The following LDHC variants were observed in gnomAD, a reference collection of about 807,000 sequenced individuals.
LDHC encodes lactate dehydrogenase C, also known as L-lactate dehydrogenase C chain.
Under a neutral mutation model 30.2 loss-of-function variants are expected in LDHC, and 20 were observed. The ratio of observed to expected loss-of-function variants is 0.66; its 90% CI spans 0.47 to 0.96. LDHC has a LOEUF of 0.96. LDHC is among the 40% of genes least tolerant of loss of function. LDHC has a pLI of 0.00. For synonymous variants in LDHC, 139 were observed against 132.7 expected, an observed-to-expected ratio of 1.05 and a Z score of -0.32; for missense variants, 362 against 394.9, an observed-to-expected ratio of 0.92 and a Z score of 0.71.
chr11:18,423,631 G>A (rs1276426637), intron 3 of LDHC, among the ~76,000 whole-genome samples: 2 of 152,026 alleles, frequency 1.3e-5, no homozygotes, highest in East Asian at 1.9e-4. Flanking sequence ...AGAAGATAAC[G>A]TAGAATATCC....
chr11:18,437,284 G>A (rs1036205571), intron 5 of LDHC, among the ~76,000 whole-genome samples: 5 of 152,110 alleles, frequency 3.3e-5, no homozygotes, highest in African/African-American at 1.2e-4. Flanking sequence ...TTAAAAATAT[G>A]TATGTTGCTT....
chr11:18,426,209 G>A (rs1315477021), intron 3 of LDHC, among the ~76,000 whole-genome samples: 1 of 151,778 alleles, frequency 6.6e-6, no homozygotes, highest in African/African-American at 2.4e-5. Flanking sequence ...AGTGAGTCCA[G>A]GTGCATGGAA....
intron 5 of LDHC, among the ~76,000 whole-genome samples, chr11:18,435,177 A>C (rs1293663441): frequency 6.6e-6 from 1 of 151,940 alleles, no homozygotes; most frequent in Admixed American, 6.6e-5. Context: ...TTTTTTATTT[A>C]TTGTGATTTT....
At chr11:18,418,103 G>C (rs1023973033) in intron 3 of LDHC, among the ~76,000 whole-genome samples, 4 of 151,766 alleles carry the variant, frequency 2.6e-5, no homozygotes, top group Middle Eastern at 3.4e-3. Flanking sequence ...CAAGTCAGTT[G>C]ATACATTCTG....
At chr11:18,432,490 G>T (rs1848284328) in intron 4 of LDHC, among the ~76,000 whole-genome samples, 1 of 152,146 alleles carries the variant, frequency 6.6e-6, no homozygotes, top group South Asian at 2.1e-4. Context: ...TTGTTCCAAG[G>T]TATAGTTTAA....
chr11:18,416,917 T>TCTGTTGC (rs1867032936), intron 3 of LDHC, among the ~76,000 whole-genome samples: 2 of 152,206 alleles, frequency 1.3e-5, no homozygotes, highest in African/African-American at 4.8e-5. Flanking sequence ...AGAGTCTTGA[T>TCTGTTGC]CTGTTGCCCA....
chr11:18,440,911 C>A (rs1358657551), intron 6 of LDHC, among the ~76,000 whole-genome samples: 1 of 150,944 alleles, frequency 6.6e-6, no homozygotes, highest in Admixed American at 6.6e-5. Context: ...TGCACACTAG[C>A]CTGGACAGCA....
rs146972664 is a variant in LDHC, at chr11:18,430,257, A to G, written c.418+347A>G. Among the ~76,000 whole-genome samples, 371 of 152,262 alleles carry G rather than the reference A, an allele frequency of 2.4e-3. 5 individuals are homozygous for G. Among genetic ancestry groups the G allele is most frequent in the African/African-American group, 8.2e-3 (340 of 41,540 alleles). On this transcript the variant is annotated intron_variant, in intron 4 of 7. Coordinates refer to ENST00000541669, the MANE Select transcript of LDHC (RefSeq NM_017448.5). ...AGCATAATTATTTTGGGATTCATCC[A>G]TATTAGTGAGTGTATCATATTGTTC...
intron 4 of LDHC, among the ~76,000 whole-genome samples, chr11:18,433,902 T>A (rs553638831): frequency 1.6e-4 from 25 of 152,356 alleles, no homozygotes; most frequent in African/African-American, 6.0e-4. Context: ...ATATGTTTTC[T>A]AAGCTTTTAG....
intron 4 of LDHC, among the ~76,000 whole-genome samples, chr11:18,432,766 A>G (rs1004885069): frequency 6.6e-6 from 1 of 152,142 alleles, no homozygotes; most frequent in Non-Finnish European, 1.5e-5. Flanking sequence ...GTTTCGTCTG[A>G]TATGAGAGTA....
chr11:18,444,436 T>A (rs1299959454), intron 6 of LDHC, among the ~76,000 whole-genome samples: 1 of 151,400 alleles, frequency 6.6e-6, no homozygotes, highest in African/African-American at 2.4e-5. Context: ...TTCCCTTTCC[T>A]TTTACTTACC....
At chr11:18,426,983 A>G (rs1044084178) in intron 3 of LDHC, among the ~76,000 whole-genome samples, 4 of 152,202 alleles carry the variant, frequency 2.6e-5, no homozygotes, top group African/African-American at 9.6e-5. Context: ...GCTAACATTT[A>G]TTGAACATTT....
intron 7 of LDHC, among the ~76,000 whole-genome samples, chr11:18,449,129 C>T (rs1203367116): frequency 6.6e-6 from 1 of 152,012 alleles, no homozygotes; most frequent in East Asian, 1.9e-4. Context: ...TCTTCCCCTG[C>T]CACCATCAGA....
intron 3 of LDHC, among the ~76,000 whole-genome samples, chr11:18,422,684 C>T (rs1360447475): frequency 1.3e-5 from 2 of 151,964 alleles, no homozygotes; most frequent in African/African-American, 4.8e-5. Flanking sequence ...AACATACCAC[C>T]TCATTAGAAG....
intron 7 of LDHC, among the ~76,000 whole-genome samples, chr11:18,448,437 C>T (rs1848591909): frequency 6.6e-6 from 1 of 152,074 alleles, no homozygotes; most frequent in African/African-American, 2.4e-5. Context: ...GCACGTGCCA[C>T]CACGCCTGGC....
chr11:18,413,457 CTCTT>C (rs1242017612), intron 2 of LDHC, among the ~76,000 whole-genome samples: 28 of 129,872 alleles, frequency 2.2e-4, no homozygotes, highest in African/African-American at 7.3e-4. Context: ...TTATTGTTCT[CTCTT>C]TTTTTTTTTT....
At chr11:18,449,824 G>A (rs78306991) in intron 7 of LDHC, among the ~76,000 whole-genome samples, 14,914 of 152,204 alleles carry the variant, frequency 0.098, 841 homozygotes, top group Admixed American at 0.15. Flanking sequence ...GCTGAATAGT[G>A]CCCATGGGCT....
chr11:18,434,707 A>C, intron 4 of LDHC, 33 bp from the exon 5 acceptor site: 1 of 1,412,640 alleles, frequency 7.1e-7, no homozygotes, highest in Non-Finnish European at 9.9e-7. Context: ...AGTTATGATG[A>C]ATCTTTTTCT....
rs1179549447 is a variant in LDHC, at chr11:18,427,978, G to T, written c.245-1759G>T. The stretch of plus-strand genomic sequence containing the variant: ...AGGTGTGAGCCACTGTGCCTGGCCA[G>T]AAATGTCATCTAATTCCTAAGTTTG... On this transcript the variant is annotated intron_variant, in intron 3 of 7. Transcript: ENST00000541669. Among the ~76,000 whole-genome samples the T allele has an allele frequency of 3.3e-5, 5 of 151,580 alleles. No homozygotes were observed. The East Asian group carries it at 7.8e-4, about 24-fold the overall frequency.
Sources: allele counts gnomAD v4.1 joint callset (sites outside exome capture counted in the v4.1 genomes callset), GRCh38; gene constraint gnomAD v4.1.1; transcripts MANE v1.5; gene names NCBI Gene and HGNC (gene_info 2026-07-23, HGNC 2026-07-21).